Variants in OTOG observed in about 807,000 individuals in gnomAD.
OTOG encodes the protein otogelin.
Under a neutral mutation model 313.8 loss-of-function variants are expected in OTOG, and 296 were observed. The ratio of observed to expected loss-of-function variants is 0.94; its 90% CI spans 0.86 to 1.04. The LOEUF (loss-of-function observed/expected upper bound fraction) is 1.04. OTOG is among the 50% of genes least tolerant of loss of function. The probability of loss-of-function intolerance (pLI) is 0.00; values close to 1 mark genes in which losing one functional copy is unlikely to be tolerated. For missense variants in OTOG, 3,948 were observed against 3,840.1 expected (o/e 1.03, Z -0.74); for synonymous variants, 1,533 against 1,554.9 (o/e 0.99, Z 0.33).
At chr11:17,596,616 C>G (rs997192924) in intron 29 of OTOG, among the ~76,000 whole-genome samples, 1 of 152,210 alleles carries the variant, frequency 6.6e-6, no homozygotes, top group African/African-American at 2.4e-5. Flanking sequence ...TTCTTGGCTC[C>G]TGGATCAAAC....
chr11:17,567,007 G>A (rs1273329626), intron 15 of OTOG, among the ~76,000 whole-genome samples: 1 of 152,188 alleles, frequency 6.6e-6, no homozygotes, highest in African/African-American at 2.4e-5. Flanking sequence ...AATATTTTAT[G>A]CACATTTAAA....
At position 17,631,782 on chromosome 11, in the gene OTOG, T is replaced by C. The variant is rs1001203638; in HGVS notation, c.6793T>C (p.Phe2265Leu). The change falls in exon 41 of 56, where the codon TTT (phenylalanine) becomes CTT (leucine). Residue 2265 changes from phenylalanine to leucine, a missense_variant. Physicochemically the swap from Phe to Leu is conservative, Grantham distance 22 (BLOSUM62 0). Transcript: ENST00000399397. ...GGGTGGGGCTGAGGACCCTGCTCCCTTTCTGGACAGCTGGCAGGTGCCCAG... is the reference window on the plus strand; with the variant it reads ...GGGTGGGGCTGAGGACCCTGCTCCCCTTCTGGACAGCTGGCAGGTGCCCAG... The part of the protein sequence containing the change: ...VVGGAEDPAP[F>L]LDSWQVPSSL... 4 of 1,550,606 alleles carry C rather than the reference T, an allele frequency of 2.6e-6. No individual in the cohort carries two copies. In the Middle Eastern group the frequency reaches 6.7e-4, roughly 259 times the overall value.
intron 37 of OTOG, 83 bp downstream of exon 37, chr11:17,612,413 C>T: frequency 5.5e-6 from 8 of 1,451,894 alleles, no homozygotes; most frequent in South Asian, 1.4e-5. Flanking sequence ...TCTGTGTGTC[C>T]CAGACTCCCC....
chr11:17,631,776 G>A lies in OTOG; in HGVS notation c.6787G>A (p.Ala2263Thr). The A allele has an allele frequency of 1.3e-6, 2 of 1,550,606 alleles. No homozygotes were observed. Among genetic ancestry groups the A allele is most frequent in the Non-Finnish European group, 1.7e-6 (2 of 1,146,992 alleles). ...AGTGGTGGGTGGGGCTGAGGACCCTGCTCCCTTTCTGGACAGCTGGCAGGT... is the reference window on the plus strand; with the variant it reads ...AGTGGTGGGTGGGGCTGAGGACCCTACTCCCTTTCTGGACAGCTGGCAGGT... ...GSVVGGAEDP[A>T]PFLDSWQVPS... The change falls in exon 41 of 56, where the codon GCT (alanine) becomes ACT (threonine). Residue 2263 changes from alanine to threonine, a missense_variant. Coordinates refer to ENST00000399397, the MANE Select transcript of OTOG (RefSeq NM_001292063.2).
chr11:17,560,986 C>A (rs1852169167), intron 13 of OTOG, 105 bp from the exon 14 acceptor site: 2 of 1,338,696 alleles, frequency 1.5e-6, no homozygotes, highest in Admixed American at 2.0e-5. Flanking sequence ...CTCTACCACC[C>A]ATTTTAGAGA....
At chr11:17,643,812 C>T (rs1409548616) in intron 54 of OTOG, among the ~76,000 whole-genome samples, 1 of 152,240 alleles carries the variant, frequency 6.6e-6, no homozygotes, top group Admixed American at 6.5e-5. Context: ...CCTCCTCCTG[C>T]CCCTGCCAAG....
rs1489141750 is a variant in OTOG at position 17,576,883 on chromosome 11, A to G, written c.2577A>G (p.Gly859=). 1 of 1,550,378 alleles carries G rather than the reference A, an allele frequency of 6.5e-7. No homozygotes were observed. The highest frequency in any genetic ancestry group is 1.2e-5 in the South Asian group (1 of 84,012). The change falls in exon 22 of 56, where the codon GGA becomes GGG. Residue 859 remains glycine (G), a synonymous_variant. Coordinates refer to ENST00000399397, the MANE Select transcript of OTOG (RefSeq NM_001292063.2). ...CTCTCTGCAGCCACTGCAAAGATGG[A>G]GTCATGAGCTGTGATAGCAGAGCCC... ...PSLGHCHCKD[G]VMSCDSRAPA...
At chr11:17,583,243 T>C (rs973373612) in intron 23 of OTOG, among the ~76,000 whole-genome samples, 1 of 152,154 alleles carries the variant, frequency 6.6e-6, no homozygotes, top group Admixed American at 6.5e-5. Flanking sequence ...CAAGCGATTC[T>C]CCCGCCTCAG....
At position 17,553,363 on chromosome 11, in the gene OTOG, A is replaced by C. The variant is rs952945233; in HGVS notation, c.386-2A>C. 2.7e-6 allele frequency: 4 copies of C among 1,467,264 alleles called. No homozygotes were observed. Among genetic ancestry groups the C allele is most frequent in the Non-Finnish European group, 3.6e-6 (4 of 1,105,938 alleles). 90.9% of individuals were successfully genotyped at this position (1,467,264 alleles called of 1,614,324 possible). A position where few individuals can be genotyped will look rare whatever the true frequency, so the allele number is the denominator to read the frequency against. On this transcript the variant is annotated splice_acceptor_variant, in intron 5 of 55. Transcript: ENST00000399397. LOFTEE classifies it high-confidence loss of function. ...AGAGAGGTTCTCTTTTCTCTCCCTC[A>C]GTGTACAATGCCGGCCCTGAGAGGG...
intron 12 of OTOG, 86 bp downstream of exon 12, chr11:17,559,748 G>C: frequency 1.7e-6 from 1 of 580,036 alleles, no homozygotes; most frequent in African/African-American, 1.9e-5. Context: ...GAAGATACCT[G>C]TTTGTGGAAG....
At position 17,560,833 on chromosome 11, in the gene OTOG, C is replaced by G. The variant is rs532715868; in HGVS notation, c.1451+16C>G. 25 of 1,542,306 alleles carry G rather than the reference C, an allele frequency of 1.6e-5. No homozygotes were observed. Among genetic ancestry groups the G allele is most frequent in the Non-Finnish European group, 2.1e-5 (24 of 1,139,462 alleles). ...GCAATACTTGGTCTGTGTCTGCTGC[C>G]GGGAAGCAGGGTGTGGGGCATGGCC... On this transcript the variant is annotated intron_variant, in intron 13 of 55. Transcript: ENST00000399397.
At chr11:17,624,875 C>T (rs535484867) in intron 39 of OTOG, among the ~76,000 whole-genome samples, 1 of 152,200 alleles carries the variant, frequency 6.6e-6, no homozygotes, top group South Asian at 2.1e-4. Flanking sequence ...CTTTCACCTC[C>T]CTGGTTAGCT....
chr11:17,594,232 G>C lies in OTOG; in HGVS notation c.3408+66G>C, dbSNP rs930446951. The C allele has an allele frequency of 1.9e-6, 3 of 1,541,696 alleles. No homozygotes were observed. In the South Asian group the frequency reaches 3.6e-5, roughly 18 times the overall value. ...GATGGGCGCTGCCAGCACTGAACCC[G>C]GCCCAAGGTCAGGGAAGAGGGATGC... On this transcript the variant is annotated intron_variant, in intron 28 of 55. Coordinates refer to ENST00000399397, the MANE Select transcript of OTOG (RefSeq NM_001292063.2).
At chr11:17,638,096 G>A (rs1222176108) in intron 47 of OTOG, among the ~76,000 whole-genome samples, 1 of 152,196 alleles carries the variant, frequency 6.6e-6, no homozygotes, top group Non-Finnish European at 1.5e-5. Context: ...CCACAGGGTG[G>A]GAAAGGTTGT....
chr11:17,606,524 G>C (rs999741839), intron 33 of OTOG, among the ~76,000 whole-genome samples: 12 of 152,196 alleles, frequency 7.9e-5, no homozygotes, highest in Non-Finnish European at 8.8e-5. Context: ...GACTGCACAA[G>C]GGGGATAGGT....
At chr11:17,624,172 T>C (rs1400291143) in intron 39 of OTOG, among the ~76,000 whole-genome samples, 2 of 152,252 alleles carry the variant, frequency 1.3e-5, no homozygotes, top group Non-Finnish European at 1.5e-5. Context: ...ATCCCATTTG[T>C]CAATTTTTGC....
In OTOG at chr11:17,570,401, C is replaced by A; in HGVS notation, c.1955+11C>A. ...GCAGGATGACTTCCTGTACGTAGCC[C>A]TGCCACGGAACCCGAAGAAGAGGGG... On this transcript the variant is annotated intron_variant, in intron 17 of 55. Transcript: ENST00000399397. The A allele has an allele frequency of 1.3e-6, 2 of 1,549,628 alleles. No individual in the cohort carries two copies. Among genetic ancestry groups the A allele is most frequent in the South Asian group, 2.4e-5 (2 of 84,008 alleles).
At chr11:17,599,761 C>T (rs1590031982) in intron 31 of OTOG, 64 bp downstream of exon 31, 1 of 1,512,416 alleles carries the variant, frequency 6.6e-7, no homozygotes, top group African/African-American at 1.4e-5. Flanking sequence ...GTCCTGACGC[C>T]ACACAGCATC....
intron 39 of OTOG, among the ~76,000 whole-genome samples, chr11:17,621,637 T>G (rs555812239): frequency 2.0e-4 from 30 of 152,342 alleles, no homozygotes; most frequent in Non-Finnish European, 3.5e-4. Context: ...AAACTCTAGC[T>G]ACCTTGGCCT....
Sources: gnomAD v4.1 joint callset for allele counts (sites outside exome capture counted in the v4.1 genomes callset) on GRCh38, gnomAD v4.1.1 for gene constraint, MANE v1.5 for transcripts, NCBI Gene and HGNC (gene_info 2026-07-23, HGNC 2026-07-21) for gene names.